Variants in CDR2 observed in about 807,000 individuals in gnomAD.
CDR2 encodes the protein cerebellar degeneration-related protein 2.
In CDR2, 34 loss-of-function variants were observed where a neutral mutation model predicts 48.4. The ratio of observed to expected loss-of-function variants is 0.70; its 90% CI spans 0.53 to 0.94. The LOEUF is 0.94. CDR2 is among the 40% of genes least tolerant of loss of function. CDR2 has a pLI of 0.00. For synonymous variants in CDR2, 240 were observed against 219.7 expected (o/e 1.09, Z -0.82); for missense variants, 498 against 549.5 (o/e 0.91, Z 0.94).
chr16:22,355,977 T>G lies in CDR2; in HGVS notation c.193-6128A>C, dbSNP rs748249196. ...AATAAACCACTAGTAGTATTAGGTTTATCTGTGACTTCATCATCAACAGAA... is the reference window on the plus strand; with the variant it reads ...AATAAACCACTAGTAGTATTAGGTTGATCTGTGACTTCATCATCAACAGAA... On this transcript the variant is annotated intron_variant, in intron 2 of 4. Transcript: ENST00000268383. Among the ~76,000 whole-genome samples, 22 of 152,342 alleles carry G rather than the reference T, an allele frequency of 1.4e-4. 1 individual carries two copies. Among genetic ancestry groups the G allele is most frequent in the Non-Finnish European group, 2.6e-4 (18 of 68,024 alleles).
At chr16:22,362,019 A>G (rs1212260138) in intron 2 of CDR2, among the ~76,000 whole-genome samples, 1 of 148,786 alleles carries the variant, frequency 6.7e-6, no homozygotes, top group Non-Finnish European at 1.5e-5. Flanking sequence ...CTCCTGCCTC[A>G]GCCTCCCAAG....
intron 2 of CDR2, among the ~76,000 whole-genome samples, chr16:22,363,662 C>T (rs149173974): frequency 6.6e-6 from 1 of 152,226 alleles, no homozygotes; most frequent in East Asian, 1.9e-4. Context: ...TGCACAGACA[C>T]AAAAGTCCTG....
At chr16:22,361,355 A>C (rs1315003463) in intron 2 of CDR2, among the ~76,000 whole-genome samples, 1 of 152,268 alleles carries the variant, frequency 6.6e-6, no homozygotes, top group Non-Finnish European at 1.5e-5. Context: ...AATTAAGGAG[A>C]GGGCCCTTAT....
Position 22,346,975 on chromosome 16 carries a change from G to A in CDR2, c.1355C>T (p.Ser452Phe), listed in dbSNP as rs572196333. The A allele has an allele frequency of 1.2e-6, 2 of 1,609,748 alleles. No homozygotes were observed. The highest frequency in any genetic ancestry group is 2.7e-5 in the African/African-American group (2 of 74,992). Reference sequence around the variant, plus strand: ...GAGCTAGAGGTTCAATTAAGAATGAGAGGAGAGTGATCGGTATTTTGTTCT... The same window carrying A: ...GAGCTAGAGGTTCAATTAAGAATGAAAGGAGAGTGATCGGTATTTTGTTCT... ...EQRTKYRSLS[S>F]HS The change falls in exon 5 of 5, where the codon TCT (serine) becomes TTT (phenylalanine). Residue 452 changes from serine (S) to phenylalanine (F), a missense_variant. Coordinates refer to ENST00000268383, the MANE Select transcript of CDR2 (RefSeq NM_001802.2).
chr16:22,350,714 T>C (rs949795729), intron 2 of CDR2, among the ~76,000 whole-genome samples: 14 of 152,210 alleles, frequency 9.2e-5, no homozygotes, highest in South Asian at 2.1e-4. Flanking sequence ...CCCCAGTGCA[T>C]TGTGAGGCTA....
Position 22,374,384 on chromosome 16 carries a change from C to A in CDR2, c.-75G>T. The A allele has an allele frequency of 1.0e-6, 1 of 995,472 alleles. No individual in the cohort carries two copies. The highest frequency in any genetic ancestry group is 1.5e-6 in the Non-Finnish European group (1 of 682,202). The allele number at this position is 995,472 out of a possible 1,614,324, so 61.7% of individuals were successfully genotyped here. A position where few individuals can be genotyped will look rare whatever the true frequency, so the allele number is the denominator to read the frequency against. On this transcript the variant is annotated 5_prime_UTR_variant, in exon 1 of 5. Coordinates refer to ENST00000268383, the MANE Select transcript of CDR2 (RefSeq NM_001802.2). ...GCCGCTGCCCCGGGCTCTTCCCCGG[C>A]CCCTCCGCCCTCAGCCAGAGCCGCC...
chr16:22,349,780 C>T lies in CDR2; in HGVS notation c.262G>A (p.Asp88Asn). ...EQHAKVYEQL[D>N]VTARELEETN... ...TCTTCCAGTTCCCTTGCTGTGACGT[C>T]TAATTGTTCATAAACCTTTGCATGT... Residue 88 changes from aspartate to asparagine, a missense_variant, in exon 3 of 5, where the codon GAC becomes AAC. Physicochemically the swap from Asp to Asn is conservative, Grantham distance 23. Transcript: ENST00000268383. 1.2e-6 allele frequency: 2 copies of T among 1,614,072 alleles called. No individual in the cohort carries two copies. Among genetic ancestry groups the T allele is most frequent in the Admixed American group, 1.7e-5 (1 of 60,006 alleles).
intron 2 of CDR2, 93 bp downstream of exon 2, chr16:22,364,809 T>C: frequency 1.4e-6 from 1 of 691,594 alleles, no homozygotes; most frequent in Non-Finnish European, 2.6e-6. Context: ...AAATGCTGCA[T>C]CTAATTGCAA....
At chr16:22,367,918 T>C (rs2049053280) in intron 1 of CDR2, among the ~76,000 whole-genome samples, 1 of 152,178 alleles carries the variant, frequency 6.6e-6, no homozygotes, top group African/African-American at 2.4e-5. Flanking sequence ...CTATTAGTCA[T>C]TACATTCATT....
chr16:22,352,026 T>C (rs1470621056), intron 2 of CDR2, among the ~76,000 whole-genome samples: 2 of 152,308 alleles, frequency 1.3e-5, no homozygotes, highest in South Asian at 4.1e-4. Flanking sequence ...AACAGGCAGA[T>C]TGCTTAAGGC....
At position 22,364,895 on chromosome 16, in the gene CDR2, G is replaced by C; in HGVS notation, c.192+7C>G. Reference sequence around the variant, plus strand: ...CAAAAGTGTAACTCTCCTGCCAAGTGAATTACCTCAATTTCCTGTAACTGC... The same window carrying C: ...CAAAAGTGTAACTCTCCTGCCAAGTCAATTACCTCAATTTCCTGTAACTGC... On this transcript the variant is annotated splice_region_variant and intron_variant, in intron 2 of 4. Coordinates refer to ENST00000268383, the MANE Select transcript of CDR2 (RefSeq NM_001802.2). The C allele has an allele frequency of 6.5e-7, 1 of 1,539,172 alleles. No individual in the cohort carries two copies. Among genetic ancestry groups the C allele is most frequent in the Non-Finnish European group, 9.0e-7 (1 of 1,111,964 alleles).
In CDR2 at chr16:22,350,045, C is replaced by G. The variant is rs2048932318; in HGVS notation, c.193-196G>C. 2.0e-5 allele frequency among the ~76,000 whole-genome samples: 3 copies of G among 151,970 alleles called. No individual in the cohort carries two copies. In the East Asian group the frequency reaches 5.8e-4, roughly 29 times the overall value. ...CTCCACTAAAAATACAAAAATTAGCCAGGTGTGGTGGCACACGCCTGTAAT... is the reference window on the plus strand; with the variant it reads ...CTCCACTAAAAATACAAAAATTAGCGAGGTGTGGTGGCACACGCCTGTAAT... On this transcript the variant is annotated intron_variant, in intron 2 of 4. Transcript: ENST00000268383.
At chr16:22,369,942 C>A (rs1158729479) in intron 1 of CDR2, among the ~76,000 whole-genome samples, 1 of 152,208 alleles carries the variant, frequency 6.6e-6, no homozygotes, top group Non-Finnish European at 1.5e-5. Context: ...TTCTCTAAAT[C>A]CTATTGAACT....
At chr16:22,370,907 C>G (rs1308739140) in intron 1 of CDR2, among the ~76,000 whole-genome samples, 1 of 152,128 alleles carries the variant, frequency 6.6e-6, no homozygotes, top group Non-Finnish European at 1.5e-5. Flanking sequence ...ATACTGAGAA[C>G]AGGATCATTA....
At position 22,347,133 on chromosome 16, in the gene CDR2, A is replaced by G; in HGVS notation, c.1197T>C (p.Val399=). 1.2e-6 allele frequency: 2 copies of G among 1,614,262 alleles called. No homozygotes were observed. The highest frequency in any genetic ancestry group is 1.7e-6 in the Non-Finnish European group (2 of 1,180,038). Residue 399 remains valine, a synonymous_variant, in exon 5 of 5, where the codon GTT becomes GTC. Coordinates refer to ENST00000268383, the MANE Select transcript of CDR2 (RefSeq NM_001802.2). ...LTGVNAQSEP[V]ASGWELASVN... ...CAGAGGCCAGTTCCCAGCCGCTGGC[A>G]ACAGGCTCAGACTGGGCGTTCACTC...
At chr16:22,354,978 G>A (rs899923497) in intron 2 of CDR2, among the ~76,000 whole-genome samples, 2 of 152,028 alleles carry the variant, frequency 1.3e-5, no homozygotes, top group African/African-American at 4.8e-5. Context: ...GAACTCCCAC[G>A]TACCCATCAA....
intron 1 of CDR2, among the ~76,000 whole-genome samples, chr16:22,369,730 C>T (rs1001973287): frequency 1.3e-5 from 2 of 151,142 alleles, no homozygotes; most frequent in African/African-American, 4.8e-5. Context: ...TGAGTAGCAG[C>T]TGGCTTCCAT....
intron 2 of CDR2, 33 bp from the exon 3 acceptor site, chr16:22,349,882 A>C (rs769063403): frequency 1.9e-5 from 31 of 1,609,706 alleles, no homozygotes; most frequent in Non-Finnish European, 2.6e-5. Flanking sequence ...GGTGACACAA[A>C]CAGATAAGAT....
intron 1 of CDR2, among the ~76,000 whole-genome samples, chr16:22,371,388 G>T (rs776969119): frequency 1.3e-5 from 2 of 152,116 alleles, no homozygotes; most frequent in Admixed American, 6.5e-5. Flanking sequence ...TGTCTACTGA[G>T]GGCCTACAAT....
Sources: allele counts gnomAD v4.1 joint callset (sites outside exome capture counted in the v4.1 genomes callset), GRCh38; gene constraint gnomAD v4.1.1; transcripts MANE v1.5; gene names NCBI Gene and HGNC (gene_info 2026-07-23, HGNC 2026-07-21).